Variants in SERPING1 observed in about 807,000 individuals in gnomAD.
The protein encoded by SERPING1 is serpin family G member 1, also known as plasma protease C1 inhibitor.
A neutral mutation model predicts 34.1 loss-of-function variants in SERPING1; 5 were observed. That is an observed-to-expected ratio of 0.15 (90% CI 0.08 to 0.31). The LOEUF is 0.31. Among genes scored for constraint, SERPING1 ranks in the 10% least tolerant of loss-of-function variants. SERPING1 has a pLI of 1.00. For synonymous variants in SERPING1, 225 were observed against 242.4 expected, an observed-to-expected ratio of 0.93 and a Z score of 0.67; for missense variants, 505 against 609.5, an observed-to-expected ratio of 0.83 and a Z score of 1.81.
intron 6 of SERPING1, among the ~76,000 whole-genome samples, chr11:57,607,344 T>G (rs1257744548): frequency 2.6e-5 from 4 of 152,218 alleles, no homozygotes; most frequent in African/African-American, 9.6e-5. Context: ...GTCACCTTGG[T>G]GGAGAAGTCT....
At chr11:57,598,459 T>C in intron 2 of SERPING1, 138 bp downstream of exon 2, 1 of 819,122 alleles carries the variant, frequency 1.2e-6, no homozygotes, top group Admixed American at 2.2e-5. Context: ...TTGAGTGTGA[T>C]CCTTGCACAC....
chr11:57,609,464 C>T (rs1335745783), intron 6 of SERPING1, among the ~76,000 whole-genome samples: 1 of 151,956 alleles, frequency 6.6e-6, no homozygotes, highest in African/African-American at 2.4e-5. Context: ...CCTGTAATCC[C>T]AGATACTTGT....
chr11:57,606,279 C>T (rs1005918789), intron 5 of SERPING1, 66 bp downstream of exon 5: 2 of 1,599,130 alleles, frequency 1.3e-6, no homozygotes, highest in African/African-American at 1.3e-5. Flanking sequence ...GGCTTCAAAG[C>T]CCACTTAACC....
intron 6 of SERPING1, chr11:57,606,839 C>T (rs914599268): frequency 3.2e-6 from 2 of 624,830 alleles, no homozygotes; most frequent in South Asian, 3.0e-5. Flanking sequence ...TTTCTTTTTC[C>T]AGTCAACTCA....
chr11:57,598,069 C>A (rs1297436536), intron 1 of SERPING1, 180 bp from the exon 2 acceptor site: 1 of 570,902 alleles, frequency 1.8e-6, no homozygotes, highest in South Asian at 2.5e-5. Flanking sequence ...GAAAGGGAAG[C>A]GGTTTGGGGA....
intron 4 of SERPING1, among the ~76,000 whole-genome samples, chr11:57,603,067 T>C (rs1447840806): frequency 1.3e-5 from 2 of 151,744 alleles, no homozygotes; most frequent in Non-Finnish European, 2.9e-5. Flanking sequence ...ACCCTGTCTC[T>C]ATTAAAAACA....
intron 4 of SERPING1, among the ~76,000 whole-genome samples, chr11:57,603,925 G>A (rs1219676411): frequency 2.0e-5 from 3 of 151,540 alleles, no homozygotes; most frequent in African/African-American, 7.3e-5. Context: ...TGAGGTGGGC[G>A]GATCACTTGA....
At position 57,614,542 on chromosome 11, in the gene SERPING1, C is replaced by T. The variant is rs1322006876; in HGVS notation, c.1464C>T (p.Phe488=). The change falls in exon 8 of 8, where the codon TTC becomes TTT. Residue 488 remains phenylalanine (F), a synonymous_variant. Transcript: ENST00000278407. ...LFVLWDQQHK[F]PVFMGRVYDP... ...TGCTCTGGGACCAGCAGCACAAGTT[C>T]CCTGTCTTCATGGGGCGAGTATATG... The T allele has an allele frequency of 6.2e-7, 1 of 1,614,046 alleles. No homozygotes were observed. The highest frequency in any genetic ancestry group is 1.1e-5 in the South Asian group (1 of 91,082).
chr11:57,598,041 AG>A lies in SERPING1; in HGVS notation c.-22-205del. The A allele has an allele frequency of 2.0e-5, 11 of 563,576 alleles. No homozygotes were observed. In the South Asian group the frequency reaches 2.2e-4, roughly 11 times the overall value. The allele number at this position is 563,576 out of a possible 1,614,324, so 34.9% of individuals were successfully genotyped here. On this transcript the variant is annotated intron_variant, in intron 1 of 7. Transcript: ENST00000278407. ...GAGACCCGGGCCCACGGGGAGAGGA[AG>A]GGCCAGCCGGTGCCGGGAAAGGGAA...
intron 3 of SERPING1, among the ~76,000 whole-genome samples, chr11:57,601,525 C>G (rs554821041): frequency 6.6e-6 from 1 of 152,086 alleles, no homozygotes. Flanking sequence ...ATGGCACAAA[C>G]AAATTACTAC....
At chr11:57,604,344 A>G (rs1334610711) in intron 4 of SERPING1, among the ~76,000 whole-genome samples, 1 of 152,174 alleles carries the variant, frequency 6.6e-6, no homozygotes, top group Admixed American at 6.5e-5. Context: ...TAATGATAAT[A>G]CTAATAATAA....
intron 4 of SERPING1, among the ~76,000 whole-genome samples, chr11:57,603,725 A>G (rs1252303247): frequency 7.4e-6 from 1 of 134,846 alleles, no homozygotes; most frequent in African/African-American, 2.8e-5. Flanking sequence ...TGTGGTCCCA[A>G]CTACTTGGGA....
chr11:57,599,518 A>AT (rs1469147878), intron 2 of SERPING1, among the ~76,000 whole-genome samples: 2 of 152,240 alleles, frequency 1.3e-5, no homozygotes, highest in African/African-American at 4.8e-5. Flanking sequence ...CAAGTGAGTC[A>AT]AACAGGTAGA....
intron 4 of SERPING1, among the ~76,000 whole-genome samples, chr11:57,604,131 CAAAA>C (rs71470279): frequency 1.8e-4 from 23 of 125,596 alleles, no homozygotes; most frequent in Admixed American, 6.4e-4. Context: ...GACTCTGTCT[CAAAA>C]AAAAAAAAAA....
rs139502497 is a variant in SERPING1, at chr11:57,612,525, C to G, written c.1249+589C>G. 3.6e-4 allele frequency among the ~76,000 whole-genome samples: 54 copies of G among 151,216 alleles called. No homozygotes were observed. In the East Asian group the frequency reaches 4.9e-3, roughly 14 times the overall value. On this transcript the variant is annotated intron_variant, in intron 7 of 7. Transcript: ENST00000278407. Reference sequence around the variant, plus strand: ...CCAGATTCACGCCATGCCATTCTCTCGCCTCAGCCTCCCGAGTAGCTGGGA... The same window carrying G: ...CCAGATTCACGCCATGCCATTCTCTGGCCTCAGCCTCCCGAGTAGCTGGGA...
At position 57,612,563 on chromosome 11, in the gene SERPING1, G is replaced by A. The variant is rs554144572; in HGVS notation, c.1249+627G>A. 5.3e-5 allele frequency among the ~76,000 whole-genome samples: 8 copies of A among 151,490 alleles called. No individual in the cohort carries two copies. The South Asian group carries it at 8.4e-4, about 16-fold the overall frequency. Reference sequence around the variant, plus strand: ...CGAGTAGCTGGGACTACAGGTGCCCGCCACCACGCCTGGCTAATTTTGTTT... The same window carrying A: ...CGAGTAGCTGGGACTACAGGTGCCCACCACCACGCCTGGCTAATTTTGTTT... On this transcript the variant is annotated intron_variant, in intron 7 of 7. Transcript: ENST00000278407.
At chr11:57,606,874 AGTCCTGTGTGTATGTGG>A (rs1174422177) in intron 6 of SERPING1, 4 of 580,538 alleles carry the variant, frequency 6.9e-6, no homozygotes, top group Non-Finnish European at 1.3e-5. Context: ...TGGCTTAGCA[AGTCCTGTGTGTATGTGG>A]GTACCTGTGT....
chr11:57,612,024 T>C (rs1450242894), intron 7 of SERPING1, 88 bp downstream of exon 7: 1 of 1,116,528 alleles, frequency 9.0e-7, no homozygotes, highest in African/African-American at 1.5e-5. Context: ...TCTAGAGTAT[T>C]TTTTACATCC....
chr11:57,599,805 T>C, intron 2 of SERPING1, 74 bp from the exon 3 acceptor site: 1 of 1,607,360 alleles, frequency 6.2e-7, no homozygotes, highest in Middle Eastern at 1.7e-4. Context: ...ACACCTTCTC[T>C]TCCTGCTTTG....
Sources: gnomAD v4.1 joint callset for allele counts (sites outside exome capture counted in the v4.1 genomes callset) on GRCh38, gnomAD v4.1.1 for gene constraint, MANE v1.5 for transcripts, NCBI Gene and HGNC (gene_info 2026-07-23, HGNC 2026-07-21) for gene names.